HEMK2: variants seen among roughly 807,000 people sequenced by gnomAD.
HEMK2 encodes the protein HemK methyltransferase 2, ETF1 glutamine and histone H4 lysine.
the HEMK2 span, among the ~76,000 whole-genome samples, chr21:28,595,148 T>C: frequency 6.6e-6 from 1 of 152,236 alleles, no homozygotes; most frequent in Non-Finnish European, 1.5e-5. Context: ...ATCTGTATCC[T>C]CCAACGTTTA....
chr21:28,814,216 G>A, the HEMK2 span, among the ~76,000 whole-genome samples: 15 of 152,144 alleles, frequency 9.9e-5, no homozygotes, highest in Admixed American at 6.5e-4. Flanking sequence ...TAGCCTGGGC[G>A]ACAGAGCGAG....
At chr21:28,787,406 A>G in the HEMK2 span, among the ~76,000 whole-genome samples, 9 of 146,108 alleles carry the variant, frequency 6.2e-5, no homozygotes, top group African/African-American at 2.3e-4. Context: ...CAAAAGGAAC[A>G]GTCAGCAGAG....
chr21:28,798,628 T>A, the HEMK2 span, among the ~76,000 whole-genome samples: 1 of 152,154 alleles, frequency 6.6e-6, no homozygotes, highest in Non-Finnish European at 1.5e-5. Flanking sequence ...CTGTCCTGTG[T>A]TCTTTGGGGG....
the HEMK2 span, among the ~76,000 whole-genome samples, chr21:28,876,983 TGGAGGGAGGGAGGGAG>T: frequency 1.3e-5 from 1 of 79,712 alleles, no homozygotes; most frequent in Non-Finnish European, 2.2e-5. Context: ...ACTAAGACAA[TGGAGGGAGGGAGGGAG>T]GGAGGGAGGA....
the HEMK2 span, among the ~76,000 whole-genome samples, chr21:28,617,095 T>C: frequency 6.6e-6 from 1 of 152,112 alleles, no homozygotes; most frequent in Non-Finnish European, 1.5e-5. Context: ...GACAGTGAAG[T>C]ACAACAAGGC....
chr21:28,633,755 C>T, the HEMK2 span, among the ~76,000 whole-genome samples: 1 of 152,076 alleles, frequency 6.6e-6, no homozygotes, highest in South Asian at 2.1e-4. Context: ...TAATACAATA[C>T]GAATAGTTCT....
the HEMK2 span, among the ~76,000 whole-genome samples, chr21:28,804,133 A>G: frequency 1.3e-3 from 204 of 152,326 alleles, 1 homozygote; most frequent in African/African-American, 4.8e-3. Flanking sequence ...CAATTAACAT[A>G]TGGTATTTAT....
the HEMK2 span, among the ~76,000 whole-genome samples, chr21:28,811,180 A>G: frequency 6.6e-6 from 1 of 151,910 alleles, no homozygotes; most frequent in Admixed American, 6.6e-5. Context: ...CCAGGAATTC[A>G]AGATTAGCCA....
the HEMK2 span, among the ~76,000 whole-genome samples, chr21:28,794,488 C>T: frequency 1.3e-5 from 2 of 152,232 alleles, no homozygotes; most frequent in South Asian, 4.1e-4. Flanking sequence ...GGTATGCAAA[C>T]ACTAAAAACA....
the HEMK2 span, among the ~76,000 whole-genome samples, chr21:28,882,794 T>C: frequency 1.3e-5 from 2 of 152,252 alleles, no homozygotes; most frequent in Non-Finnish European, 2.9e-5. Flanking sequence ...AAAATTATGC[T>C]GCTTCTACAA....
chr21:28,737,790 C>A, the HEMK2 span, among the ~76,000 whole-genome samples: 7 of 152,220 alleles, frequency 4.6e-5, no homozygotes, highest in Non-Finnish European at 1.0e-4. Flanking sequence ...GCTAAATTCA[C>A]CAAGCCCTGC....
the HEMK2 span, among the ~76,000 whole-genome samples, chr21:28,723,837 T>C: frequency 6.6e-6 from 1 of 152,236 alleles, no homozygotes; most frequent in Non-Finnish European, 1.5e-5. Flanking sequence ...AGACATGCTA[T>C]GAAGATACGC....
At chr21:28,854,625 G>A in the HEMK2 span, among the ~76,000 whole-genome samples, 9 of 152,278 alleles carry the variant, frequency 5.9e-5, no homozygotes, top group South Asian at 2.1e-4. Context: ...GAGCCAGTCC[G>A]AGTTCCAAAA....
At chr21:28,601,283 T>G in the HEMK2 span, among the ~76,000 whole-genome samples, 2,706 of 152,258 alleles carry the variant, frequency 0.018, 107 homozygotes, top group African/African-American at 0.063. Context: ...TGGCTTTCAA[T>G]GACCTGCATT....
the HEMK2 span, among the ~76,000 whole-genome samples, chr21:28,793,700 T>G: frequency 0.082 from 12,503 of 152,222 alleles, 1,176 homozygotes; most frequent in African/African-American, 0.22. Flanking sequence ...ATATCATTAT[T>G]ATGTTATGTT....
the HEMK2 span, among the ~76,000 whole-genome samples, chr21:28,805,557 C>T: frequency 6.6e-6 from 1 of 152,216 alleles, no homozygotes; most frequent in African/African-American, 2.4e-5. Context: ...AGGCTGCCGT[C>T]AGCTCAGTAG....
chr21:28,592,063 C>T, the HEMK2 span, among the ~76,000 whole-genome samples: 1 of 152,116 alleles, frequency 6.6e-6, no homozygotes, highest in Non-Finnish European at 1.5e-5. Context: ...TGGGTATATA[C>T]CCAGTAATAG....
chr21:28,793,959 T>C, the HEMK2 span, among the ~76,000 whole-genome samples: 1 of 152,198 alleles, frequency 6.6e-6, no homozygotes, highest in East Asian at 1.9e-4. Flanking sequence ...ACTGACACCT[T>C]CATTTCAGAC....
At chr21:28,693,826 C>A in the HEMK2 span, among the ~76,000 whole-genome samples, 1 of 152,018 alleles carries the variant, frequency 6.6e-6, no homozygotes, top group Non-Finnish European at 1.5e-5. Context: ...TTATACACTG[C>A]CAGAAAGAAG....
Sources: gnomAD v4.1 joint callset for allele counts (sites outside exome capture counted in the v4.1 genomes callset) on GRCh38, gnomAD v4.1.1 for gene constraint, MANE v1.5 for transcripts, NCBI Gene and HGNC (gene_info 2026-07-23, HGNC 2026-07-21) for gene names.